The following NRXN1 variants were observed in gnomAD, a reference collection of about 807,000 sequenced individuals.
NRXN1 encodes the protein neurexin 1.
A neutral mutation model predicts 150.9 loss-of-function variants in NRXN1; 39 were observed. The observed-to-expected ratio is 0.26, with a 90% CI of 0.20 to 0.34. The LOEUF is 0.34. Among genes scored for constraint, NRXN1 ranks in the 10% least tolerant of loss-of-function variants. NRXN1 has a pLI of 1.00. For synonymous variants in NRXN1, 924 were observed against 757.0 expected (o/e 1.22, Z -3.62); for missense variants, 1,815 against 1,949.9 (o/e 0.93, Z 1.30).
At position 50,062,263 on chromosome 2, in the gene NRXN1, A is replaced by T. The variant is rs372968979; in HGVS notation, c.3719-7219T>A. ...AAAGCCTTTGGGAGCTGATTAGGTCATGAGGAAAGAGCTCTCATTAATGGG... is the reference window on the plus strand; with the variant it reads ...AAAGCCTTTGGGAGCTGATTAGGTCTTGAGGAAAGAGCTCTCATTAATGGG... On this transcript the variant is annotated intron_variant, in intron 19 of 22. Coordinates refer to ENST00000401669, the MANE Select transcript of NRXN1 (RefSeq NM_001330078.2). Among the ~76,000 whole-genome samples the T allele has an allele frequency of 2.6e-5, 4 of 152,164 alleles. No individual in the cohort carries two copies. In the East Asian group the frequency reaches 5.9e-4, roughly 22 times the overall value.
At position 50,352,776 on chromosome 2, in the gene NRXN1, TATTATA is replaced by T. The variant is rs1175676227; in HGVS notation, c.3364+112660_3364+112665del. ...TTGATAATAATAATAATAATAATAA[TATTATA>T]ATAATAATAATAATAATAATAATAA... On this transcript the variant is annotated intron_variant, in intron 17 of 22. Coordinates refer to ENST00000401669, the MANE Select transcript of NRXN1 (RefSeq NM_001330078.2). 4.2e-3 allele frequency among the ~76,000 whole-genome samples: 352 copies of T among 84,016 alleles called. 2 individuals are homozygous for T. The highest frequency in any genetic ancestry group is 0.013 in the African/African-American group (314 of 24,294). The allele number at this position is 84,016 out of a possible 152,430, so 55.1% of individuals were successfully genotyped here. A position where few individuals can be genotyped will look rare whatever the true frequency, so the allele number is the denominator to read the frequency against.
intron 18 of NRXN1, among the ~76,000 whole-genome samples, chr2:50,180,325 C>T (rs1409467099): frequency 1.3e-5 from 2 of 152,054 alleles, no homozygotes; most frequent in African/African-American, 4.8e-5. Flanking sequence ...GTGCCAGGCT[C>T]AATTTTTGTT....
At chr2:50,350,718 A>C (rs2078347805) in intron 17 of NRXN1, among the ~76,000 whole-genome samples, 1 of 152,162 alleles carries the variant, frequency 6.6e-6, no homozygotes, top group Non-Finnish European at 1.5e-5. Flanking sequence ...AATTAGGAAG[A>C]TGCTTCCCCT....
chr2:50,373,992 A>T (rs2080298352), intron 17 of NRXN1, among the ~76,000 whole-genome samples: 1 of 152,024 alleles, frequency 6.6e-6, no homozygotes, highest in African/African-American at 2.4e-5. Context: ...TTACACATAA[A>T]ATGGTAGTTA....
chr2:51,026,277 T>A (rs1670452852), intron 2 of NRXN1: 1 of 775,916 alleles, frequency 1.3e-6, no homozygotes, highest in Non-Finnish European at 2.2e-6. Context: ...TATCCATGTG[T>A]TGATTGCCTT....
rs1351571613 is a variant in NRXN1, at chr2:50,602,508, T to G, written c.1320+17514A>C. On this transcript the variant is annotated intron_variant, in intron 8 of 22. Coordinates refer to ENST00000401669, the MANE Select transcript of NRXN1 (RefSeq NM_001330078.2). ...TTTCTTTTCCAGAATCAACAATCACTTTCCAAAAATTGCTCTTATTTTTAA... is the reference window on the plus strand; with the variant it reads ...TTTCTTTTCCAGAATCAACAATCACGTTCCAAAAATTGCTCTTATTTTTAA... 2.6e-5 allele frequency among the ~76,000 whole-genome samples: 4 copies of G among 152,226 alleles called. No homozygotes were observed. The East Asian group carries it at 7.7e-4, about 29-fold the overall frequency.
intron 18 of NRXN1, among the ~76,000 whole-genome samples, chr2:50,183,379 T>G (rs1427060286): frequency 6.6e-6 from 1 of 152,032 alleles, no homozygotes; most frequent in African/African-American, 2.4e-5. Flanking sequence ...ACTTGAAATC[T>G]TCCCTTGCCA....
chr2:50,273,399 CTA>C, intron 17 of NRXN1, among the ~76,000 whole-genome samples: 1 of 152,216 alleles, frequency 6.6e-6, no homozygotes, highest in South Asian at 2.1e-4. Context: ...TTTTATTTGT[CTA>C]TGTCTTAACC....
chr2:50,509,955 A>T (rs1313759368), intron 12 of NRXN1, among the ~76,000 whole-genome samples: 1 of 152,176 alleles, frequency 6.6e-6, no homozygotes, highest in African/African-American at 2.4e-5. Context: ...GAAGTGGAAC[A>T]AACACCAGAG....
intron 17 of NRXN1, among the ~76,000 whole-genome samples, chr2:50,455,554 A>C (rs1432392081): frequency 6.6e-6 from 1 of 152,218 alleles, no homozygotes; most frequent in African/African-American, 2.4e-5. Context: ...TGTGCCTGAC[A>C]CACCAAAATC....
chr2:50,682,859 TATTA>T lies in NRXN1; in HGVS notation c.833-59248_833-59245del, dbSNP rs778775523. The stretch of plus-strand genomic sequence containing the variant: ...CATTCTTTAGTGGACTCAATAGCTG[TATTA>T]ATTATGAGACATGGGGGGAATTATC... On this transcript the variant is annotated intron_variant, in intron 5 of 22. Transcript: ENST00000401669. Among the ~76,000 whole-genome samples, 8 of 152,210 alleles carry T rather than the reference TATTA, an allele frequency of 5.3e-5. 1 individual carries two copies. In the East Asian group the frequency reaches 1.2e-3, roughly 22 times the overall value.
At chr2:50,382,342 G>T (rs1322021544) in intron 17 of NRXN1, among the ~76,000 whole-genome samples, 1 of 152,092 alleles carries the variant, frequency 6.6e-6, no homozygotes, top group East Asian at 1.9e-4. Flanking sequence ...CATAATATTG[G>T]AGTGTCAAGT....
chr2:50,662,617 T>G (rs1687459230), intron 5 of NRXN1, among the ~76,000 whole-genome samples: 1 of 152,000 alleles, frequency 6.6e-6, no homozygotes, highest in South Asian at 2.1e-4. Flanking sequence ...CGATTTTTTT[T>G]GTTGTTGTTA....
intron 17 of NRXN1, among the ~76,000 whole-genome samples, chr2:50,244,272 A>G (rs986481072): frequency 2.0e-5 from 3 of 151,856 alleles, no homozygotes; most frequent in African/African-American, 7.2e-5. Flanking sequence ...TCCATGGCTG[A>G]CCTATCTTGT....
At chr2:50,993,437 A>C (rs2105010468) in intron 2 of NRXN1, among the ~76,000 whole-genome samples, 1 of 151,538 alleles carries the variant, frequency 6.6e-6, no homozygotes, top group South Asian at 2.1e-4. Flanking sequence ...TTTTTCTTTT[A>C]TGTTTCTATT....
At chr2:50,482,119 T>A (rs2090518062) in intron 15 of NRXN1, among the ~76,000 whole-genome samples, 1 of 152,166 alleles carries the variant, frequency 6.6e-6, no homozygotes, top group South Asian at 2.1e-4. Flanking sequence ...CCAAAAAGAT[T>A]TTTTTAAAGT....
intron 5 of NRXN1, among the ~76,000 whole-genome samples, chr2:50,844,314 C>G (rs1007367612): frequency 6.6e-6 from 1 of 152,162 alleles, no homozygotes; most frequent in East Asian, 1.9e-4. Flanking sequence ...TCCACTTCTC[C>G]GCTTAAATTT....
chr2:50,664,118 T>A (rs898056041), intron 5 of NRXN1, among the ~76,000 whole-genome samples: 3 of 151,964 alleles, frequency 2.0e-5, no homozygotes, highest in Non-Finnish European at 4.4e-5. Context: ...AGACGACAAA[T>A]GCACAATTAA....
intron 5 of NRXN1, among the ~76,000 whole-genome samples, chr2:50,709,027 G>A (rs1347832588): frequency 6.6e-6 from 1 of 152,122 alleles, no homozygotes; most frequent in Non-Finnish European, 1.5e-5. Context: ...ACTGTCCTCT[G>A]TTCATGGCTT....
Sources: gnomAD v4.1 joint callset for allele counts (sites outside exome capture counted in the v4.1 genomes callset) on GRCh38, gnomAD v4.1.1 for gene constraint, MANE v1.5 for transcripts, NCBI Gene and HGNC (gene_info 2026-07-23, HGNC 2026-07-21) for gene names.